The following FAT3 variants were observed in gnomAD, a reference collection of about 807,000 sequenced individuals.
The protein encoded by FAT3 is protocadherin Fat 3.
FAT3 carries 95 observed loss-of-function variants against 310.2 expected under a neutral mutation model. That is an observed-to-expected ratio of 0.31 (90% CI 0.26 to 0.36). FAT3 has a LOEUF of 0.36. Among genes scored for constraint, FAT3 ranks in the 10% least tolerant of loss-of-function variants. The pLI is 1.00. For missense variants in FAT3, 5,408 were observed against 5,715.6 expected, an observed-to-expected ratio of 0.95 and a Z score of 1.74; for synonymous variants, 2,314 against 2,192.9, an observed-to-expected ratio of 1.06 and a Z score of -1.54.
chr11:92,446,042 C>T (rs1951200447), intron 2 of FAT3, among the ~76,000 whole-genome samples: 1 of 152,122 alleles, frequency 6.6e-6, no homozygotes, highest in African/African-American at 2.4e-5. Flanking sequence ...ATTAATCAGC[C>T]TCCATGGGGA....
intron 19 of FAT3, among the ~76,000 whole-genome samples, chr11:92,849,805 C>G (rs757960876): frequency 9.2e-5 from 14 of 152,140 alleles, no homozygotes; most frequent in Non-Finnish European, 1.5e-4. Context: ...GCACCAGGCC[C>G]TGGGTGGGGT....
intron 2 of FAT3, among the ~76,000 whole-genome samples, chr11:92,414,016 T>C (rs1950352962): frequency 6.6e-6 from 1 of 152,266 alleles, no homozygotes; most frequent in African/African-American, 2.4e-5. Flanking sequence ...TCTCTGTCTG[T>C]TTTGCATTTT....
chr11:92,566,643 C>CAAGG (rs1955459654), intron 3 of FAT3, among the ~76,000 whole-genome samples: 1 of 150,904 alleles, frequency 6.6e-6, no homozygotes, highest in South Asian at 2.1e-4. Context: ...AACTATACTA[C>CAAGG]AAGGCTACAG....
chr11:92,380,607 C>T (rs1045747932), intron 2 of FAT3, among the ~76,000 whole-genome samples: 1 of 152,152 alleles, frequency 6.6e-6, no homozygotes, highest in Non-Finnish European at 1.5e-5. Context: ...AGAGCTGAGG[C>T]AAATCATTTC....
At chr11:92,226,512 T>C (rs1385563661) in intron 1 of FAT3, among the ~76,000 whole-genome samples, 1 of 151,686 alleles carries the variant, frequency 6.6e-6, no homozygotes, top group African/African-American at 2.4e-5. Context: ...ACAGGGGTGC[T>C]CCCGGGGTGT....
chr11:92,359,593 A>T (rs1343154341), intron 2 of FAT3, among the ~76,000 whole-genome samples: 1 of 148,968 alleles, frequency 6.7e-6, no homozygotes, highest in Non-Finnish European at 1.5e-5. Flanking sequence ...CTCGTCATCT[A>T]GCCTTAGGTA....
chr11:92,708,685 G>A (rs2135942312), intron 4 of FAT3, among the ~76,000 whole-genome samples: 1 of 152,330 alleles, frequency 6.6e-6, no homozygotes, highest in African/African-American at 2.4e-5. Context: ...GTTCATAGTT[G>A]TTGAATATAC....
chr11:92,744,541 T>C (rs748473700), intron 4 of FAT3, among the ~76,000 whole-genome samples: 8 of 152,220 alleles, frequency 5.3e-5, no homozygotes, highest in Non-Finnish European at 1.0e-4. Context: ...CCATTTATAT[T>C]TTATAACCAT....
At chr11:92,336,161 G>A (rs1948071336) in intron 1 of FAT3, 2 of 556,862 alleles carry the variant, frequency 3.6e-6, no homozygotes, top group African/African-American at 1.9e-5. Flanking sequence ...CTCGCATCCT[G>A]TAATCAGGCA....
intron 4 of FAT3, among the ~76,000 whole-genome samples, chr11:92,698,793 T>G (rs1944013944): frequency 6.6e-6 from 1 of 152,186 alleles, no homozygotes; most frequent in African/African-American, 2.4e-5. Context: ...CCTTATATTA[T>G]ATTCATGGGC....
At chr11:92,831,154 C>T (rs1948237586) in intron 13 of FAT3, among the ~76,000 whole-genome samples, 2 of 152,152 alleles carry the variant, frequency 1.3e-5, no homozygotes, top group East Asian at 3.9e-4. Flanking sequence ...ACTACAGCCC[C>T]ACTATAATGT....
chr11:92,259,043 G>A (rs1398336577), intron 1 of FAT3, among the ~76,000 whole-genome samples: 1 of 151,926 alleles, frequency 6.6e-6, no homozygotes, highest in Non-Finnish European at 1.5e-5. Context: ...TTGTTGGGCA[G>A]GAAAGAGCTA....
chr11:92,757,769 A>T (rs1946043536), intron 4 of FAT3, among the ~76,000 whole-genome samples: 2 of 152,340 alleles, frequency 1.3e-5, no homozygotes, highest in African/African-American at 4.8e-5. Context: ...TCAGAAAAGG[A>T]TGAAAAAGAC....
chr11:92,844,331 A>G lies in FAT3; in HGVS notation c.10964A>G (p.Asn3655Ser), dbSNP rs1245594516. ...LQNTVTIRFE[N>S]VSPEDFVGLH... is the part of the protein sequence containing the mutation. Reference sequence around the variant, plus strand: ...AACACTGTCACCATCCGCTTTGAAAATGTGTCCCCTGAGGACTTCGTGGGG... The same window carrying G: ...AACACTGTCACCATCCGCTTTGAAAGTGTGTCCCCTGAGGACTTCGTGGGG... The change falls in exon 19 of 28, where the codon AAT becomes AGT. Residue 3655 changes from asparagine (N) to serine (S), a missense_variant. By Grantham distance (46) the Asn-to-Ser change is conservative. Around this residue, in one of 5 missense-constraint regions of FAT3, gnomAD observed 4,588 missense variants for 4,809.8 expected, o/e 0.95. Transcript: ENST00000525166. 6.2e-7 allele frequency: 1 copy of G among 1,613,920 alleles called. No individual in the cohort carries two copies. Among genetic ancestry groups the G allele is most frequent in the Non-Finnish European group, 8.5e-7 (1 of 1,179,882 alleles).
At chr11:92,445,688 G>A (rs754993691) in intron 2 of FAT3, among the ~76,000 whole-genome samples, 1 of 152,098 alleles carries the variant, frequency 6.6e-6, no homozygotes, top group Non-Finnish European at 1.5e-5. Flanking sequence ...TGTATGCATT[G>A]TCTTCAACAA....
At chr11:92,889,364 A>G (rs1949864517) in intron 26 of FAT3, 116 bp downstream of exon 26, 1 of 502,844 alleles carries the variant, frequency 2.0e-6, no homozygotes, top group Non-Finnish European at 3.6e-6. Flanking sequence ...CTGGTTTCTG[A>G]TGAGATGTGG....
intron 1 of FAT3, among the ~76,000 whole-genome samples, chr11:92,315,479 G>GTATGTATA (rs1947419787): frequency 1.5e-5 from 1 of 65,188 alleles, no homozygotes; most frequent in Non-Finnish European, 3.0e-5. Flanking sequence ...GTGTGTGTGT[G>GTATGTATA]TATATATATA....
chr11:92,420,321 A>AAATGGAAAAGGTCTTTTTTGATAAG (rs1950509961), intron 2 of FAT3, among the ~76,000 whole-genome samples: 1 of 152,234 alleles, frequency 6.6e-6, no homozygotes, highest in African/African-American at 2.4e-5. Flanking sequence ...ATAAGTCCAT[A>AAATGGAAAAGGTCTTTTTTGATAAG]CATCATGGTT....
rs116191421 is a variant in FAT3 at position 92,725,356 on chromosome 11, T to C, written c.3669+27911T>C. Among the ~76,000 whole-genome samples, 1,389 of 152,190 alleles carry C rather than the reference T, an allele frequency of 9.1e-3. 21 individuals carry two copies. Among genetic ancestry groups the C allele is most frequent in the African/African-American group, 0.031 (1,278 of 41,504 alleles). On this transcript the variant is annotated intron_variant, in intron 4 of 27. Transcript: ENST00000525166. ...GACCTTTGCCCACAGCCATTAAAAA[T>C]TGTGACAGTTCAACTGTGAAAATCT...
Sources: gnomAD v4.1 joint callset for allele counts (sites outside exome capture counted in the v4.1 genomes callset) on GRCh38, gnomAD v4.1.1 for gene constraint, gnomAD v4.1.1 regional missense constraint, MANE v1.5 for transcripts, NCBI Gene and HGNC (gene_info 2026-07-23, HGNC 2026-07-21) for gene names.